The following PRKN variants were observed in gnomAD, a reference collection of about 807,000 sequenced individuals.
The protein encoded by PRKN is E3 ubiquitin-protein ligase parkin.
Under a neutral mutation model 59.5 loss-of-function variants are expected in PRKN, and 56 were observed. That is an observed-to-expected ratio of 0.94 (90% CI 0.76 to 1.18). The LOEUF is 1.18. Among genes scored for constraint, PRKN ranks in the 50% most tolerant of loss-of-function variants. The pLI is 0.00. For missense variants in PRKN, 657 were observed against 596.4 expected (o/e 1.10, Z -1.06); for synonymous variants, 250 against 222.1 (o/e 1.13, Z -1.12).
chr6:162,220,364 G>A (rs112686047), intron 3 of PRKN, among the ~76,000 whole-genome samples: 6 of 152,050 alleles, frequency 3.9e-5, no homozygotes, highest in Admixed American at 3.3e-4. Flanking sequence ...AAAGAGCTTC[G>A]GCATAGCAAA....
chr6:161,363,903 T>C lies in PRKN; in HGVS notation c.1168-3698A>G, dbSNP rs1785080999. ...GGCCGGATGTGGTGGTTCACGCCTG[T>C]AATCCAAGCACTTTGGGAGGCCAAG... On this transcript the variant is annotated intron_variant, in intron 10 of 11. Coordinates refer to ENST00000366898, the MANE Select transcript of PRKN (RefSeq NM_004562.3). The surrounding 1 kb of genome is among the most constrained non-coding windows in gnomAD (Gnocchi z 4.1). 6.6e-6 allele frequency among the ~76,000 whole-genome samples: 1 copy of C among 152,198 alleles called. No individual in the cohort carries two copies. The highest frequency in any genetic ancestry group is 1.5e-5 in the Non-Finnish European group (1 of 68,034).
chr6:161,594,286 C>T (rs541387060), intron 7 of PRKN, among the ~76,000 whole-genome samples: 2 of 152,306 alleles, frequency 1.3e-5, no homozygotes, highest in East Asian at 3.9e-4. Context: ...CTGTCCTCAG[C>T]CTGTCTCCTC....
At chr6:162,599,745 A>G (rs1781628900) in intron 1 of PRKN, among the ~76,000 whole-genome samples, 1 of 152,212 alleles carries the variant, frequency 6.6e-6, no homozygotes. Context: ...AATATGAAGC[A>G]GAATTCACGC....
chr6:161,685,125 T>G (rs1785506500), intron 7 of PRKN, among the ~76,000 whole-genome samples: 1 of 152,254 alleles, frequency 6.6e-6, no homozygotes, highest in Non-Finnish European at 1.5e-5. Flanking sequence ...ATTTTTTAAA[T>G]TTTTTAATTC....
intron 4 of PRKN, among the ~76,000 whole-genome samples, chr6:162,093,831 C>G (rs1489337296): frequency 1.3e-5 from 2 of 152,156 alleles, no homozygotes; most frequent in Non-Finnish European, 2.9e-5. Flanking sequence ...GGGACAAAGC[C>G]GTGGTCTTCC....
At chr6:162,455,384 A>C (rs1291635989) in intron 1 of PRKN, among the ~76,000 whole-genome samples, 1 of 152,214 alleles carries the variant, frequency 6.6e-6, no homozygotes, top group Admixed American at 6.5e-5. Context: ...ATTTATGCAA[A>C]CCTAGATTAT....
At chr6:161,716,236 C>T (rs2128183881) in intron 7 of PRKN, 10 of 541,844 alleles carry the variant, frequency 1.8e-5, no homozygotes, top group South Asian at 1.5e-4. Flanking sequence ...TATTCTATTG[C>T]CAGATGTCAG....
chr6:162,483,007 A>G (rs1479625436), intron 1 of PRKN, among the ~76,000 whole-genome samples: 2 of 152,206 alleles, frequency 1.3e-5, no homozygotes, highest in Non-Finnish European at 2.9e-5. Context: ...ATTAAGACCC[A>G]GAAATGACTC....
intron 7 of PRKN, among the ~76,000 whole-genome samples, chr6:161,679,107 G>A (rs948984954): frequency 6.6e-5 from 10 of 152,100 alleles, no homozygotes; most frequent in African/African-American, 1.7e-4. Flanking sequence ...ATGCCACAGC[G>A]GCACATCATG....
chr6:162,620,453 T>C (rs931291000), intron 1 of PRKN, among the ~76,000 whole-genome samples: 2 of 152,198 alleles, frequency 1.3e-5, no homozygotes, highest in South Asian at 4.1e-4. Flanking sequence ...ATTTCTAGCA[T>C]TATGACTACT....
intron 7 of PRKN, among the ~76,000 whole-genome samples, chr6:161,589,946 AT>A (rs1284819728): frequency 2.4e-3 from 338 of 140,236 alleles, no homozygotes; most frequent in Middle Eastern, 0.011. Flanking sequence ...TGCGCAGCTA[AT>A]TTTTTTTTTT....
intron 6 of PRKN, among the ~76,000 whole-genome samples, chr6:161,903,621 G>A (rs1356938356): frequency 6.6e-6 from 1 of 151,982 alleles, no homozygotes; most frequent in Non-Finnish European, 1.5e-5. Flanking sequence ...GAGGACATGA[G>A]CTCATATTTT....
chr6:161,463,488 C>T lies in PRKN; in HGVS notation c.1084-76611G>A, dbSNP rs947817083. 6.6e-6 allele frequency among the ~76,000 whole-genome samples: 1 copy of T among 152,196 alleles called. No homozygotes were observed. Among genetic ancestry groups the T allele is most frequent in the African/African-American group, 2.4e-5 (1 of 41,442 alleles). ...AGGATGCATTTGGGATCTGGCAGCA[C>T]TTTTCTGAGGGCATCAACTACCAAG... On this transcript the variant is annotated intron_variant, in intron 9 of 11. Transcript: ENST00000366898. This position sits in a 1 kb window ranked among gnomAD's most constrained non-coding sequence, Gnocchi z 4.8.
chr6:162,239,514 C>A (rs73596265), intron 3 of PRKN, among the ~76,000 whole-genome samples: 1,598 of 152,114 alleles, frequency 0.011, 29 homozygotes, highest in African/African-American at 0.036. Context: ...TCCAACGCAG[C>A]GCAGAGCTGT....
chr6:161,628,283 T>C (rs1168150471), intron 7 of PRKN, among the ~76,000 whole-genome samples: 2 of 152,228 alleles, frequency 1.3e-5, no homozygotes, highest in Admixed American at 1.3e-4. Flanking sequence ...GGATGGCTTA[T>C]AAGCCACGGA....
At chr6:162,721,889 T>G (rs1372491098) in intron 1 of PRKN, among the ~76,000 whole-genome samples, 1 of 152,192 alleles carries the variant, frequency 6.6e-6, no homozygotes, top group South Asian at 2.1e-4. Flanking sequence ...ACAGTAGTTT[T>G]GAGATGTTCA....
At chr6:161,980,878 T>C (rs542648195) in intron 5 of PRKN, among the ~76,000 whole-genome samples, 24 of 152,284 alleles carry the variant, frequency 1.6e-4, no homozygotes, top group African/African-American at 5.5e-4. Flanking sequence ...CCTTTGTTAG[T>C]GGTGACACAT....
intron 1 of PRKN, among the ~76,000 whole-genome samples, chr6:162,720,420 CAT>C (rs1778894702): frequency 6.7e-6 from 1 of 149,948 alleles, no homozygotes; most frequent in South Asian, 2.1e-4. Context: ...AAAATACACA[CAT>C]CTGTCCATAG....
At chr6:161,926,030 G>C (rs746459944) in intron 6 of PRKN, among the ~76,000 whole-genome samples, 11 of 152,160 alleles carry the variant, frequency 7.2e-5, no homozygotes, top group Non-Finnish European at 1.6e-4. Flanking sequence ...AAACCACTCA[G>C]CTAGTAAACG....
Sources: gnomAD v4.1 joint callset for allele counts (sites outside exome capture counted in the v4.1 genomes callset) on GRCh38, gnomAD v4.1.1 for gene constraint, Gnocchi (gnomAD v3.1) non-coding constraint, MANE v1.5 for transcripts, NCBI Gene and HGNC (gene_info 2026-07-23, HGNC 2026-07-21) for gene names.